The following GMDS variants were observed in gnomAD, a reference collection of about 807,000 sequenced individuals.
GMDS encodes the protein GDP-mannose 4,6 dehydratase.
Under a neutral mutation model 49.9 loss-of-function variants are expected in GMDS, and 20 were observed. That is an observed-to-expected ratio of 0.40 (90% CI 0.28 to 0.58). The LOEUF (loss-of-function observed/expected upper bound fraction) is 0.58. Ranked by LOEUF, GMDS falls within the 20% of genes least tolerant of loss-of-function variation. The pLI, the probability that GMDS is intolerant of heterozygous loss-of-function variation, is 0.42. For synonymous variants in GMDS, 177 were observed against 178.6 expected (o/e 0.99, Z 0.07); for missense variants, 362 against 481.4 (o/e 0.75, Z 2.32).
chr6:1,923,094 CT>C (rs1215950093), intron 7 of GMDS, among the ~76,000 whole-genome samples: 8 of 152,230 alleles, frequency 5.3e-5, no homozygotes, highest in African/African-American at 1.9e-4. Context: ...TCCACCATGA[CT>C]GTGAGGCCTC....
At chr6:1,751,102 C>G (rs1767710525) in intron 7 of GMDS, among the ~76,000 whole-genome samples, 1 of 152,182 alleles carries the variant, frequency 6.6e-6, no homozygotes, top group Non-Finnish European at 1.5e-5. Context: ...CTCCCATCTC[C>G]CTGGAACAGA....
At chr6:1,645,765 T>G (rs573218821) in intron 9 of GMDS, among the ~76,000 whole-genome samples, 1 of 152,212 alleles carries the variant, frequency 6.6e-6, no homozygotes, top group Non-Finnish European at 1.5e-5. Context: ...CCAGTGCCCA[T>G]GGCCACCGCA....
At chr6:2,083,785 A>G (rs929773015) in intron 4 of GMDS, among the ~76,000 whole-genome samples, 4 of 152,224 alleles carry the variant, frequency 2.6e-5, no homozygotes, top group African/African-American at 7.2e-5. Flanking sequence ...AAATTATGGT[A>G]TATTTATCAT....
chr6:1,642,486 C>T (rs2113187068), intron 9 of GMDS, among the ~76,000 whole-genome samples: 1 of 152,212 alleles, frequency 6.6e-6, no homozygotes, highest in Admixed American at 6.5e-5. Context: ...GTCTTTAAAC[C>T]TACCCCAAAG....
intron 7 of GMDS, among the ~76,000 whole-genome samples, chr6:1,908,516 T>G (rs1159958613): frequency 1.3e-5 from 2 of 152,222 alleles, no homozygotes; most frequent in Non-Finnish European, 2.9e-5. Flanking sequence ...TTTCTTTAAA[T>G]TTGGGCTATG....
chr6:1,920,581 T>C (rs1761666291), intron 7 of GMDS, among the ~76,000 whole-genome samples: 1 of 152,218 alleles, frequency 6.6e-6, no homozygotes, highest in Admixed American at 6.5e-5. Flanking sequence ...ATATTGAAGA[T>C]ATAAGCAAAA....
chr6:1,998,838 G>A (rs1239380022), intron 4 of GMDS, among the ~76,000 whole-genome samples: 3 of 151,580 alleles, frequency 2.0e-5, no homozygotes, highest in Non-Finnish European at 1.5e-5. Context: ...TGGATGCCAA[G>A]GGACAGCTGT....
intron 4 of GMDS, among the ~76,000 whole-genome samples, chr6:1,962,207 A>C (rs1763986107): frequency 1.3e-5 from 2 of 152,168 alleles, no homozygotes; most frequent in Admixed American, 1.3e-4. Context: ...CCCCAAAAAG[A>C]AACTCCGTAC....
chr6:1,960,755 T>G lies in GMDS; in HGVS notation c.538+19A>C. On this transcript the variant is annotated intron_variant, in intron 5 of 10. Transcript: ENST00000380815. ...AGATAACGCCACACATGTGCTCCGGTGTGCACGCATGTTCTCACCATAGGG... is the reference window on the plus strand; with the variant it reads ...AGATAACGCCACACATGTGCTCCGGGGTGCACGCATGTTCTCACCATAGGG... 6.6e-7 allele frequency: 1 copy of G among 1,515,116 alleles called. No homozygotes were observed. The highest frequency in any genetic ancestry group is 9.0e-7 in the Non-Finnish European group (1 of 1,106,030). The allele number at this position is 1,515,116 out of a possible 1,614,324, so 93.9% of individuals were successfully genotyped here.
intron 7 of GMDS, among the ~76,000 whole-genome samples, chr6:1,853,314 C>T (rs900708532): frequency 2.6e-5 from 4 of 151,154 alleles, no homozygotes; most frequent in Non-Finnish European, 4.4e-5. Context: ...GTCAGGAGAT[C>T]GAGACCATCC....
At chr6:1,977,716 G>A (rs1764987854) in intron 4 of GMDS, among the ~76,000 whole-genome samples, 1 of 152,138 alleles carries the variant, frequency 6.6e-6, no homozygotes, top group Non-Finnish European at 1.5e-5. Context: ...GTGTGACACT[G>A]GGAAAGCATG....
chr6:1,757,645 C>T (rs1400098554), intron 7 of GMDS, among the ~76,000 whole-genome samples: 1 of 152,170 alleles, frequency 6.6e-6, no homozygotes, highest in Non-Finnish European at 1.5e-5. Flanking sequence ...GGAATTTAAC[C>T]TCTGAACTGA....
chr6:1,769,464 G>T (rs1381269016), intron 7 of GMDS, among the ~76,000 whole-genome samples: 1 of 152,234 alleles, frequency 6.6e-6, no homozygotes, highest in Non-Finnish European at 1.5e-5. Context: ...GGATGGAATT[G>T]ATTGGCATTC....
intron 8 of GMDS, among the ~76,000 whole-genome samples, chr6:1,736,765 G>A (rs556906154): frequency 1.3e-5 from 2 of 152,290 alleles, no homozygotes; most frequent in Admixed American, 6.5e-5. Flanking sequence ...TCCTGACTTT[G>A]CCCCTACATA....
intron 4 of GMDS, among the ~76,000 whole-genome samples, chr6:2,002,828 A>G (rs1054706978): frequency 3.9e-5 from 6 of 152,196 alleles, no homozygotes; most frequent in Admixed American, 3.9e-4. Flanking sequence ...AAAAAATCCC[A>G]TACTTAATAG....
chr6:1,959,762 G>T, intron 6 of GMDS, 105 bp downstream of exon 6: 1 of 487,968 alleles, frequency 2.0e-6, no homozygotes, highest in Non-Finnish European at 3.6e-6. Context: ...ATTAGATACA[G>T]ATAGGAAATT....
At chr6:1,735,633 C>T (rs1454424628) in intron 8 of GMDS, among the ~76,000 whole-genome samples, 1 of 152,212 alleles carries the variant, frequency 6.6e-6, no homozygotes, top group Non-Finnish European at 1.5e-5. Flanking sequence ...AATGCACTAG[C>T]TCCTGCCTCC....
intron 1 of GMDS, among the ~76,000 whole-genome samples, chr6:2,193,633 A>G (rs960414028): frequency 1.3e-5 from 2 of 152,152 alleles, no homozygotes; most frequent in African/African-American, 4.8e-5. Context: ...GTTATTCACA[A>G]ATTTCATTTT....
intron 7 of GMDS, among the ~76,000 whole-genome samples, chr6:1,900,112 GA>G (rs1204447343): frequency 6.6e-6 from 1 of 152,228 alleles, no homozygotes. Flanking sequence ...CCCTTCCCTA[GA>G]AAGTCAAGCT....
Sources: gnomAD v4.1 joint callset for allele counts (sites outside exome capture counted in the v4.1 genomes callset) on GRCh38, gnomAD v4.1.1 for gene constraint, MANE v1.5 for transcripts, NCBI Gene and HGNC (gene_info 2026-07-23, HGNC 2026-07-21) for gene names.